GRID2IP: variants seen among roughly 807,000 people sequenced by gnomAD.
The protein encoded by GRID2IP is Grid2 interacting protein.
GRID2IP carries 78 observed loss-of-function variants against 114.3 expected under a neutral mutation model. The observed-to-expected ratio is 0.68, with a 90% CI of 0.57 to 0.82. GRID2IP has a LOEUF of 0.82. Among genes scored for constraint, GRID2IP ranks in the 40% least tolerant of loss-of-function variants. The pLI, the probability that GRID2IP is intolerant of heterozygous loss-of-function variation, is 0.00. For missense variants in GRID2IP, 1,727 were observed against 1,678.5 expected (o/e 1.03, Z -0.51); for synonymous variants, 809 against 724.0 (o/e 1.12, Z -1.89).
intron 1 of GRID2IP, among the ~76,000 whole-genome samples, chr7:6,541,011 T>G (rs575430643): frequency 6.6e-6 from 1 of 152,154 alleles, no homozygotes; most frequent in Non-Finnish European, 1.5e-5. Flanking sequence ...TAATCTGTTT[T>G]TTTATAATCC....
rs1395569590 is a variant in GRID2IP at position 6,528,835 on chromosome 7, C to T, written c.585-2066G>A. ...CAGGAACCAGGATGAATGTCCTGCT[C>T]ACCTCTGCCCGGTGCCCATTCCCAT... is the stretch of plus-strand genomic sequence containing the variant. On this transcript the variant is annotated intron_variant, in intron 2 of 21. Coordinates refer to ENST00000457091, the MANE Select transcript of GRID2IP (RefSeq NM_001145118.2). This position sits in a 1 kb window ranked among gnomAD's most constrained non-coding sequence, Gnocchi z 6.0. Among the ~76,000 whole-genome samples, 1 of 152,146 alleles carries T rather than the reference C, an allele frequency of 6.6e-6. No homozygotes were observed. Among genetic ancestry groups the T allele is most frequent in the Admixed American group, 6.5e-5 (1 of 15,284 alleles).
intron 20 of GRID2IP, among the ~76,000 whole-genome samples, chr7:6,501,334 G>A (rs1786409232): frequency 6.6e-6 from 1 of 151,930 alleles, no homozygotes. Context: ...CTGGGCAACA[G>A]AGCAAGGCTC....
At position 6,509,308 on chromosome 7, in the gene GRID2IP, T is replaced by C; in HGVS notation, c.1777A>G (p.Arg593Gly). The change falls in exon 12 of 22, where the codon AGG (arginine) becomes GGG (glycine). Residue 593 changes from arginine to glycine, a missense_variant. Transcript: ENST00000457091. The surrounding 1 kb of genome is among the most constrained non-coding windows in gnomAD (Gnocchi z 4.9). ...GPSPAVTTGP[R>G]TLSGVSWPSE... ...GGCCATGAGACGCCGGACAGGGTCC[T>C]GGGCCCTGGAGGAGGGATGGAGTAT... The C allele has an allele frequency of 6.6e-7, 1 of 1,505,468 alleles. No homozygotes were observed. Among genetic ancestry groups the C allele is most frequent in the Non-Finnish European group, 8.9e-7 (1 of 1,126,010 alleles). The allele number at this position is 1,505,468 out of a possible 1,614,324, so 93.3% of individuals were successfully genotyped here.
rs888089194 is a variant in GRID2IP at position 6,507,591 on chromosome 7, G to C, written c.2544+394C>G. On this transcript the variant is annotated intron_variant, in intron 13 of 21. Coordinates refer to ENST00000457091, the MANE Select transcript of GRID2IP (RefSeq NM_001145118.2). This position sits in a 1 kb window ranked among gnomAD's most constrained non-coding sequence, Gnocchi z 5.3. The stretch of plus-strand genomic sequence containing the variant: ...AGGTAGTGAGTTCCCCACCACTGAA[G>C]GTGTTCAAGCATACACTGCCAGTGT... 4.6e-5 allele frequency among the ~76,000 whole-genome samples: 7 copies of C among 152,218 alleles called. No homozygotes were observed. The highest frequency in any genetic ancestry group is 1.7e-4 in the African/African-American group (7 of 41,462).
At chr7:6,538,976 G>T (rs891855404) in intron 2 of GRID2IP, among the ~76,000 whole-genome samples, 6 of 151,566 alleles carry the variant, frequency 4.0e-5, no homozygotes, top group South Asian at 2.1e-4. Context: ...TAGGGTGGAG[G>T]TCGAGGGGGT....
chr7:6,531,939 G>C (rs965767140), intron 2 of GRID2IP, among the ~76,000 whole-genome samples: 4 of 152,210 alleles, frequency 2.6e-5, no homozygotes, highest in Non-Finnish European at 4.4e-5. Context: ...GTGAGGACAG[G>C]ACGCCCAGGC....
chr7:6,502,422 T>C (rs1786442381), intron 18 of GRID2IP, among the ~76,000 whole-genome samples: 1 of 152,088 alleles, frequency 6.6e-6, no homozygotes, highest in South Asian at 2.1e-4. Context: ...AGCTATGTTG[T>C]CCAGGCTAGT....
In GRID2IP at chr7:6,497,619, C is replaced by A; in HGVS notation, c.*155G>T. On this transcript the variant is annotated 3_prime_UTR_variant, in exon 22 of 22. Coordinates refer to ENST00000457091, the MANE Select transcript of GRID2IP (RefSeq NM_001145118.2). ...AGGAACAAGGGCTGGCAGAGGAGGG[C>A]CCGACCACAGCTCGGCGGCTGAGGT... 1.7e-6 allele frequency: 1 copy of A among 574,394 alleles called. No individual in the cohort carries two copies. Among genetic ancestry groups the A allele is most frequent in the Non-Finnish European group, 3.0e-6 (1 of 328,258 alleles). The allele number at this position is 574,394 out of a possible 1,614,324, so 35.6% of individuals were successfully genotyped here.
At chr7:6,498,517 C>T (rs1380239982) in intron 20 of GRID2IP, among the ~76,000 whole-genome samples, 1 of 151,246 alleles carries the variant, frequency 6.6e-6, no homozygotes, top group Non-Finnish European at 1.5e-5. Flanking sequence ...CCACTGCCAC[C>T]TTCTTCCCCA....
intron 2 of GRID2IP, among the ~76,000 whole-genome samples, chr7:6,535,735 G>A (rs142619318): frequency 1.3e-5 from 2 of 152,068 alleles, no homozygotes; most frequent in African/African-American, 4.8e-5. Context: ...TCTCCTCAAT[G>A]TGGGGTCTTA....
chr7:6,515,972 C>G (rs551930541), intron 7 of GRID2IP, among the ~76,000 whole-genome samples: 178 of 151,956 alleles, frequency 1.2e-3, no homozygotes, highest in Non-Finnish European at 1.8e-3. Context: ...TGGTGTGTGC[C>G]TGTAATCCCA....
chr7:6,498,874 T>A (rs1374526414), intron 20 of GRID2IP, among the ~76,000 whole-genome samples: 2 of 152,158 alleles, frequency 1.3e-5, no homozygotes, highest in Non-Finnish European at 2.9e-5. Flanking sequence ...TGTGAGCCAC[T>A]GCACCTGGCC....
At chr7:6,517,110 A>G (rs1186150697) in intron 7 of GRID2IP, among the ~76,000 whole-genome samples, 1 of 149,270 alleles carries the variant, frequency 6.7e-6, no homozygotes. Context: ...GCTGGAGTGC[A>G]GTGGCACAAT....
chr7:6,508,983 A>G lies in GRID2IP; in HGVS notation c.2102T>C (p.Leu701Pro). 6.5e-7 allele frequency: 1 copy of G among 1,548,100 alleles called. No homozygotes were observed. The highest frequency in any genetic ancestry group is 1.2e-5 in the South Asian group (1 of 83,986). The change falls in exon 12 of 22, where the codon CTG becomes CCG. Residue 701 changes from leucine to proline, a missense_variant. Coordinates refer to ENST00000457091, the MANE Select transcript of GRID2IP (RefSeq NM_001145118.2). The surrounding 1 kb of genome is among the most constrained non-coding windows in gnomAD (Gnocchi z 5.6). ...CTCCTCGTAGTCGTTCTCCGGGGTCAGGAAATCATCCACGATGGTGACCCG... is the reference window on the plus strand; with the variant it reads ...CTCCTCGTAGTCGTTCTCCGGGGTCGGGAAATCATCCACGATGGTGACCCG... ...GPRVTIVDDF[L>P]TPENDYEEMS... is the part of the protein sequence containing the mutation.
intron 2 of GRID2IP, among the ~76,000 whole-genome samples, chr7:6,529,459 G>C (rs575036601): frequency 6.6e-6 from 1 of 152,180 alleles, no homozygotes; most frequent in Middle Eastern, 3.4e-3. Context: ...TCAAAAAAAA[G>C]AAAAGGCCCT....
chr7:6,521,651 C>A lies in GRID2IP; in HGVS notation c.990-128G>T. The A allele has an allele frequency of 1.4e-6, 1 of 712,438 alleles. No individual in the cohort carries two copies. The highest frequency in any genetic ancestry group is 2.4e-6 in the Non-Finnish European group (1 of 423,350). The allele number at this position is 712,438 out of a possible 1,614,324, so 44.1% of individuals were successfully genotyped here. A position where few individuals can be genotyped will look rare whatever the true frequency, so the allele number is the denominator to read the frequency against. On this transcript the variant is annotated intron_variant, in intron 5 of 21. Coordinates refer to ENST00000457091, the MANE Select transcript of GRID2IP (RefSeq NM_001145118.2). This position sits in a 1 kb window ranked among gnomAD's most constrained non-coding sequence, Gnocchi z 4.1. ...CCACCTCTGTGTGACTCTGTGTCCC[C>A]AGCATGGAGCTGGAGTATTTTCTGG...
chr7:6,550,629 G>A (rs922798336), intron 1 of GRID2IP, among the ~76,000 whole-genome samples: 1 of 146,112 alleles, frequency 6.8e-6, no homozygotes. Flanking sequence ...TGACCAACAT[G>A]GTGAAACCCC....
chr7:6,521,411 T>A lies in GRID2IP; in HGVS notation c.1084+18A>T. 1 of 1,509,776 alleles carries A rather than the reference T, an allele frequency of 6.6e-7. No homozygotes were observed. Among genetic ancestry groups the A allele is most frequent in the Non-Finnish European group, 8.9e-7 (1 of 1,121,224 alleles). 93.5% of individuals were successfully genotyped at this position (1,509,776 alleles called of 1,614,324 possible). On this transcript the variant is annotated intron_variant, in intron 6 of 21. Transcript: ENST00000457091. This position sits in a 1 kb window ranked among gnomAD's most constrained non-coding sequence, Gnocchi z 4.1. ...GTCTCTGGGGGCCAAGGAAGCCAAG[T>A]GTCCATGGGGGTCTCACCACTGGCA... is the stretch of plus-strand genomic sequence containing the variant.
intron 2 of GRID2IP, among the ~76,000 whole-genome samples, chr7:6,533,383 G>C (rs908293563): frequency 3.9e-5 from 6 of 152,170 alleles, no homozygotes; most frequent in African/African-American, 1.2e-4. Flanking sequence ...TTTAGAGACA[G>C]AGTCTCACTC....
Sources: gnomAD v4.1 joint callset for allele counts (sites outside exome capture counted in the v4.1 genomes callset) on GRCh38, gnomAD v4.1.1 for gene constraint, Gnocchi (gnomAD v3.1) non-coding constraint, MANE v1.5 for transcripts, NCBI Gene and HGNC (gene_info 2026-07-23, HGNC 2026-07-21) for gene names.